The following RGS6 variants were observed in gnomAD, a reference collection of about 807,000 sequenced individuals.
RGS6 encodes the protein regulator of G-protein signaling 6.
RGS6 carries 30 observed loss-of-function variants against 78.5 expected under a neutral mutation model. The observed-to-expected ratio is 0.38, with a 90% CI of 0.29 to 0.52. RGS6 has a LOEUF of 0.52. Ranked by LOEUF, RGS6 falls within the 20% of genes least tolerant of loss-of-function variation. The pLI is 0.85. For synonymous variants in RGS6, 206 were observed against 206.0 expected (o/e 1.00, Z 0.00); for missense variants, 495 against 609.7 (o/e 0.81, Z 1.98).
At chr14:72,464,389 A>G (rs2238180) in intron 6 of RGS6, among the ~76,000 whole-genome samples, 48,156 of 152,098 alleles carry the variant, frequency 0.32, 8,113 homozygotes, top group East Asian at 0.62. Flanking sequence ...AACAACCACA[A>G]CTGACTCCTA....
At chr14:71,887,722 A>G in the RGS6 span, among the ~76,000 whole-genome samples, 2 of 152,170 alleles carry the variant, frequency 1.3e-5, no homozygotes, top group Non-Finnish European at 2.9e-5. Flanking sequence ...GTTTGTCAAG[A>G]CAATGTGTGC....
chr14:71,996,275 T>C (rs941092722), intron 2 of RGS6, among the ~76,000 whole-genome samples: 2 of 152,010 alleles, frequency 1.3e-5, no homozygotes, highest in African/African-American at 4.8e-5. Context: ...TGATGACTTA[T>C]TTAGCTAATA....
chr14:72,118,158 T>TAA lies in RGS6; in HGVS notation c.84+153293_84+153294dup, dbSNP rs397853465. Among the ~76,000 whole-genome samples, 851 of 146,720 alleles carry TAA rather than the reference T, an allele frequency of 5.8e-3. 10 individuals are homozygous for TAA. The highest frequency in any genetic ancestry group is 0.02 in the African/African-American group (804 of 40,184). ...GCTGGGCCCCACCCTCACTGCCATT[T>TAA]AAAAAAAAAAACAACAAAAAACAGG... is the stretch of plus-strand genomic sequence containing the variant. On this transcript the variant is annotated intron_variant, in intron 2 of 17. Transcript: ENST00000553525.
chr14:72,528,500 T>C (rs1598744985), intron 15 of RGS6, among the ~76,000 whole-genome samples: 1 of 152,194 alleles, frequency 6.6e-6, no homozygotes, highest in African/African-American at 2.4e-5. Flanking sequence ...TTTATCATCA[T>C]ATAGAGAACC....
At chr14:72,215,841 C>T (rs1448738543) in intron 2 of RGS6, among the ~76,000 whole-genome samples, 1 of 152,190 alleles carries the variant, frequency 6.6e-6, no homozygotes, top group Non-Finnish European at 1.5e-5. Flanking sequence ...TTTATTATGG[C>T]TAGCAGATAT....
At chr14:72,331,604 C>A (rs1396985618) in intron 2 of RGS6, among the ~76,000 whole-genome samples, 1 of 152,090 alleles carries the variant, frequency 6.6e-6, no homozygotes, top group Non-Finnish European at 1.5e-5. Context: ...TGGGTACTGT[C>A]CTTGTGTCAT....
chr14:71,965,197 C>T (rs927486425), intron 2 of RGS6, among the ~76,000 whole-genome samples: 6 of 152,146 alleles, frequency 3.9e-5, no homozygotes, highest in Admixed American at 6.5e-5. Context: ...TCTTCAGACT[C>T]GTAGTATGTA....
intron 17 of RGS6, chr14:72,550,362 A>T: frequency 2.0e-6 from 2 of 1,008,602 alleles, no homozygotes; most frequent in Non-Finnish European, 3.0e-6. Context: ...ACCTGTACTT[A>T]GTGACAGGGC....
chr14:71,890,358 C>CAGAGAGAGAGAGAGAGAGAGAGAGAG, the RGS6 span, among the ~76,000 whole-genome samples: 6 of 133,008 alleles, frequency 4.5e-5, no homozygotes, highest in Non-Finnish European at 7.8e-5. Context: ...GTGCATAAGA[C>CAGAGAGAGAGAGAGAGAGAGAGAGAG]AGAGAGAGAG....
intron 1 of RGS6, among the ~76,000 whole-genome samples, chr14:71,942,090 A>G (rs1267430473): frequency 6.6e-6 from 1 of 152,224 alleles, no homozygotes; most frequent in Non-Finnish European, 1.5e-5. Context: ...TCAAGACAAA[A>G]GAATAATCAT....
At chr14:72,274,013 C>A (rs1171033924) in intron 2 of RGS6, among the ~76,000 whole-genome samples, 1 of 152,160 alleles carries the variant, frequency 6.6e-6, no homozygotes, top group Non-Finnish European at 1.5e-5. Context: ...AACAGTATTT[C>A]CTCACTAGGA....
At position 72,562,402 on chromosome 14, in the gene RGS6, G is replaced by A. The variant is rs377364178; in HGVS notation, c.1423-15G>A. 213 of 1,611,522 alleles carry A rather than the reference G, an allele frequency of 1.3e-4. No individual in the cohort carries two copies. Among genetic ancestry groups the A allele is most frequent in the African/African-American group, 3.9e-4 (29 of 75,052 alleles). On this transcript the variant is annotated splice_polypyrimidine_tract_variant and intron_variant, in intron 17 of 17. Transcript: ENST00000553525. ...GTGCGCCTGTGCGTGCCTCTCTGTC[G>A]CTGTCTCTCTGCAGGGAAAGTCGCT...
chr14:72,586,604 T>C, the RGS6 span, among the ~76,000 whole-genome samples: 1 of 152,194 alleles, frequency 6.6e-6, no homozygotes, highest in Non-Finnish European at 1.5e-5. Context: ...CACAGGGCAC[T>C]TTGGTCAGAA....
chr14:72,197,429 T>A (rs1035386400), intron 2 of RGS6, among the ~76,000 whole-genome samples: 1 of 152,096 alleles, frequency 6.6e-6, no homozygotes, highest in Admixed American at 6.6e-5. Flanking sequence ...TCATTATAAA[T>A]GTCTGCCTCA....
chr14:72,382,319 A>G (rs920802009), intron 3 of RGS6, among the ~76,000 whole-genome samples: 1 of 152,204 alleles, frequency 6.6e-6, no homozygotes, highest in Non-Finnish European at 1.5e-5. Context: ...GAAAATATAC[A>G]TGACCAATAA....
intron 2 of RGS6, among the ~76,000 whole-genome samples, chr14:72,214,884 G>T (rs847281): frequency 0.99 from 150,304 of 152,346 alleles, 74,156 homozygotes; most frequent in East Asian, 1. Flanking sequence ...CAATATGATA[G>T]AGAAATTATT....
intron 15 of RGS6, 86 bp downstream of exon 15, chr14:72,518,623 G>T (rs572477405): frequency 4.5e-5 from 57 of 1,269,402 alleles, no homozygotes; most frequent in Non-Finnish European, 5.6e-5. Flanking sequence ...TCAAGGCATT[G>T]TGGGTAGTTA....
intron 3 of RGS6, among the ~76,000 whole-genome samples, chr14:72,356,727 T>C (rs2080371695): frequency 6.6e-6 from 1 of 152,198 alleles, no homozygotes; most frequent in Non-Finnish European, 1.5e-5. Flanking sequence ...TGAGATCTGA[T>C]GATTTCATAA....
intron 2 of RGS6, among the ~76,000 whole-genome samples, chr14:72,279,048 T>C (rs568860153): frequency 1.4e-4 from 21 of 152,250 alleles, no homozygotes; most frequent in African/African-American, 4.1e-4. Context: ...TCGCTTAACC[T>C]TAATTACTTC....
Sources: gnomAD v4.1 joint callset for allele counts (sites outside exome capture counted in the v4.1 genomes callset) on GRCh38, gnomAD v4.1.1 for gene constraint, MANE v1.5 for transcripts, NCBI Gene and HGNC (gene_info 2026-07-23, HGNC 2026-07-21) for gene names.